RIMS1: variants seen among roughly 807,000 people sequenced by gnomAD.
RIMS1 encodes the protein regulating synaptic membrane exocytosis 1, also known as regulating synaptic membrane exocytosis protein 1.
Under a neutral mutation model 214.1 loss-of-function variants are expected in RIMS1, and 83 were observed. The observed-to-expected ratio is 0.39, with a 90% confidence interval of 0.32 to 0.47. RIMS1 has a LOEUF of 0.47. Among genes scored for constraint, RIMS1 ranks in the 20% least tolerant of loss-of-function variants. The pLI is 0.99. For missense variants in RIMS1, 2,050 were observed against 2,161.8 expected (o/e 0.95, Z 1.03); for synonymous variants, 793 against 786.8 (o/e 1.01, Z -0.13).
chr6:72,005,224 G>A (rs1418866248), intron 2 of RIMS1, among the ~76,000 whole-genome samples: 4 of 152,114 alleles, frequency 2.6e-5, no homozygotes, highest in East Asian at 1.9e-4. Context: ...TGTTCCATTG[G>A]TCTATATCTC....
At chr6:72,214,371 T>G (rs1054286378) in intron 6 of RIMS1, among the ~76,000 whole-genome samples, 19 of 152,124 alleles carry the variant, frequency 1.2e-4, no homozygotes, top group Admixed American at 6.5e-4. Context: ...CAGAAAATAC[T>G]TGATAAACCC....
At chr6:71,977,704 C>G (rs1797503047) in intron 2 of RIMS1, among the ~76,000 whole-genome samples, 1 of 151,972 alleles carries the variant, frequency 6.6e-6, no homozygotes, top group Non-Finnish European at 1.5e-5. Context: ...AAAGGGAATT[C>G]CAGGCAGAAA....
intron 6 of RIMS1, among the ~76,000 whole-genome samples, chr6:72,232,335 T>C (rs2062305788): frequency 6.6e-6 from 1 of 151,608 alleles, no homozygotes. Flanking sequence ...TAGTTTTTCT[T>C]TCAGAACAAG....
chr6:71,954,711 T>G (rs1418244812), intron 1 of RIMS1, among the ~76,000 whole-genome samples: 1 of 151,984 alleles, frequency 6.6e-6, no homozygotes, highest in Non-Finnish European at 1.5e-5. Context: ...TTTTTTTACT[T>G]CTTTATTGAG....
At chr6:71,906,030 C>A (rs746316943) in intron 1 of RIMS1, among the ~76,000 whole-genome samples, 3 of 152,106 alleles carry the variant, frequency 2.0e-5, no homozygotes, top group Non-Finnish European at 2.9e-5. Flanking sequence ...TCCCAGAAAG[C>A]TCCAGTGATT....
At chr6:71,983,674 A>G (rs1270449151) in intron 2 of RIMS1, among the ~76,000 whole-genome samples, 1 of 152,164 alleles carries the variant, frequency 6.6e-6, no homozygotes, top group Non-Finnish European at 1.5e-5. Flanking sequence ...TTCTTTCCAG[A>G]CTGTCCTGAA....
chr6:72,295,782 C>T (rs893517362), intron 26 of RIMS1, among the ~76,000 whole-genome samples: 1 of 151,560 alleles, frequency 6.6e-6, no homozygotes, highest in Non-Finnish European at 1.5e-5. Context: ...TATTTGGGAA[C>T]TCATGGTTTT....
intron 2 of RIMS1, among the ~76,000 whole-genome samples, chr6:72,031,080 A>T (rs1421001744): frequency 6.6e-6 from 1 of 152,196 alleles, no homozygotes; most frequent in Non-Finnish European, 1.5e-5. Flanking sequence ...AGTTTTTAAC[A>T]TTATATCTTG....
At chr6:72,068,191 G>C (rs984546070) in intron 2 of RIMS1, among the ~76,000 whole-genome samples, 3 of 152,174 alleles carry the variant, frequency 2.0e-5, no homozygotes, top group African/African-American at 7.2e-5. Context: ...ACTAGAAAAT[G>C]TTGTAATATC....
rs115356143 is a variant in RIMS1, at chr6:72,134,894, G to A, written c.471+34908G>A. 4.3e-3 allele frequency among the ~76,000 whole-genome samples: 662 copies of A among 152,230 alleles called. 7 individuals carry two copies. The highest frequency in any genetic ancestry group is 0.016 in the African/African-American group (646 of 41,558). On this transcript the variant is annotated intron_variant, in intron 4 of 33. Coordinates refer to ENST00000521978, the MANE Select transcript of RIMS1 (RefSeq NM_014989.7). ...GTCACAGATGTTTTAGATGTTTTGAGTAAGTTAAATGGGAGAAAGAAAGGG... is the reference window on the plus strand; with the variant it reads ...GTCACAGATGTTTTAGATGTTTTGAATAAGTTAAATGGGAGAAAGAAAGGG...
chr6:71,990,426 C>CA (rs1801249738), intron 2 of RIMS1, among the ~76,000 whole-genome samples: 2 of 152,128 alleles, frequency 1.3e-5, no homozygotes, highest in Admixed American at 1.3e-4. Flanking sequence ...TTTCATTAAA[C>CA]AAATTGAATT....
chr6:72,237,085 A>C (rs2064450985), intron 8 of RIMS1, among the ~76,000 whole-genome samples: 1 of 152,084 alleles, frequency 6.6e-6, no homozygotes, highest in East Asian at 1.9e-4. Context: ...ACATGCCTGT[A>C]GTCCCAGCTA....
chr6:71,958,797 C>T (rs1792062867), intron 1 of RIMS1, among the ~76,000 whole-genome samples: 1 of 152,110 alleles, frequency 6.6e-6, no homozygotes, highest in Non-Finnish European at 1.5e-5. Flanking sequence ...AGAGCATGTT[C>T]ACCTTTGTCA....
intron 29 of RIMS1, among the ~76,000 whole-genome samples, chr6:72,386,731 C>CTTTTTTT: frequency 9.1e-6 from 1 of 109,888 alleles, no homozygotes. Flanking sequence ...CACTGTCTTT[C>CTTTTTTT]TTTTTTTTTT....
At chr6:71,931,970 A>C (rs1783174441) in intron 1 of RIMS1, among the ~76,000 whole-genome samples, 1 of 152,106 alleles carries the variant, frequency 6.6e-6, no homozygotes, top group Non-Finnish European at 1.5e-5. Flanking sequence ...AAGAAGTCCA[A>C]AAAATAGCAG....
chr6:71,988,748 CA>C (rs1406245872), intron 2 of RIMS1, among the ~76,000 whole-genome samples: 1 of 152,110 alleles, frequency 6.6e-6, no homozygotes, highest in Non-Finnish European at 1.5e-5. Context: ...TGGCCCATAG[CA>C]AACTGTAATA....
intron 6 of RIMS1, among the ~76,000 whole-genome samples, chr6:72,210,151 AT>A (rs1196670877): frequency 6.6e-6 from 1 of 152,172 alleles, no homozygotes; most frequent in Non-Finnish European, 1.5e-5. Flanking sequence ...TCAACTCTTA[AT>A]CTATGAAATG....
At chr6:71,932,134 C>G (rs1783227137) in intron 1 of RIMS1, among the ~76,000 whole-genome samples, 1 of 152,000 alleles carries the variant, frequency 6.6e-6, no homozygotes, top group Admixed American at 6.6e-5. Flanking sequence ...TGTGTATATA[C>G]CCAAAGGAAT....
At chr6:72,370,590 C>T (rs2098184814) in intron 29 of RIMS1, among the ~76,000 whole-genome samples, 1 of 152,140 alleles carries the variant, frequency 6.6e-6, no homozygotes, top group African/African-American at 2.4e-5. Flanking sequence ...TATGTGGTTT[C>T]CTTCCTCCCC....
Sources: allele counts gnomAD v4.1 joint callset (sites outside exome capture counted in the v4.1 genomes callset), GRCh38; gene constraint gnomAD v4.1.1; transcripts MANE v1.5; gene names NCBI Gene and HGNC (gene_info 2026-07-23, HGNC 2026-07-21).